EPM2A: variants seen among roughly 807,000 people sequenced by gnomAD.
EPM2A encodes EPM2A glucan phosphatase, laforin, also known as laforin.
Under a neutral mutation model 26.5 loss-of-function variants are expected in EPM2A, and 21 were observed. The ratio of observed to expected loss-of-function variants is 0.79; its 90% CI spans 0.56 to 1.14. EPM2A has a LOEUF of 1.14. EPM2A is among the 50% of genes most tolerant of loss of function. The pLI, the probability that EPM2A is intolerant of heterozygous loss-of-function variation, is 0.00. For missense variants in EPM2A, 458 were observed against 440.8 expected (o/e 1.04, Z -0.35); for synonymous variants, 217 against 177.6 (o/e 1.22, Z -1.76).
At chr6:145,576,438 G>GC (rs1781032649) in intron 2 of EPM2A, among the ~76,000 whole-genome samples, 1 of 113,294 alleles carries the variant, frequency 8.8e-6, no homozygotes, top group Non-Finnish European at 1.8e-5. Flanking sequence ...AGTAATTTAT[G>GC]CATATCACAA....
At chr6:145,662,903 G>A (rs1562458009) in intron 2 of EPM2A, among the ~76,000 whole-genome samples, 1 of 152,056 alleles carries the variant, frequency 6.6e-6, no homozygotes, top group Non-Finnish European at 1.5e-5. Flanking sequence ...CTAAAGTTTG[G>A]CCAAGCAAAA....
At chr6:145,451,307 C>T (rs1779192721) in intron 4 of EPM2A, among the ~76,000 whole-genome samples, 1 of 151,552 alleles carries the variant, frequency 6.6e-6, no homozygotes, top group Non-Finnish European at 1.5e-5. Context: ...ATGACCAAAG[C>T]ATGATGTTAC....
intron 2 of EPM2A, among the ~76,000 whole-genome samples, chr6:145,612,767 A>C: frequency 6.7e-6 from 1 of 148,388 alleles, no homozygotes; most frequent in East Asian, 1.9e-4. Flanking sequence ...TTTTATATAT[A>C]TATATATACC....
chr6:145,689,407 T>C (rs1781133495), intron 1 of EPM2A, among the ~76,000 whole-genome samples: 2 of 152,136 alleles, frequency 1.3e-5, no homozygotes, highest in Non-Finnish European at 2.9e-5. Flanking sequence ...CTGAAAATTA[T>C]AAATAAACAA....
chr6:145,564,884 T>G (rs1780862063), intron 2 of EPM2A, among the ~76,000 whole-genome samples: 1 of 152,132 alleles, frequency 6.6e-6, no homozygotes, highest in Non-Finnish European at 1.5e-5. Flanking sequence ...CTAGCTACCC[T>G]GCAGCAACTT....
intron 4 of EPM2A, among the ~76,000 whole-genome samples, chr6:145,391,629 G>A (rs1335092845): frequency 6.6e-6 from 1 of 152,086 alleles, no homozygotes; most frequent in Non-Finnish European, 1.5e-5. Context: ...CCCTCGAAGT[G>A]CCTGCTTTTC....
At chr6:145,717,161 C>T (rs1202860139) in intron 1 of EPM2A, among the ~76,000 whole-genome samples, 2 of 151,946 alleles carry the variant, frequency 1.3e-5, no homozygotes, top group Non-Finnish European at 2.9e-5. Context: ...AGAGACACAA[C>T]CAAAAAAGAG....
rs535297505 is a variant in EPM2A at position 145,466,854 on chromosome 6, G to T, written c.555+35668C>A. Among the ~76,000 whole-genome samples the T allele has an allele frequency of 1.5e-3, 225 of 152,280 alleles. 2 individuals are homozygous for T. Among genetic ancestry groups the T allele is most frequent in the African/African-American group, 5.2e-3 (216 of 41,560 alleles). Reference sequence around the variant, plus strand: ...TCATGTCCTTTGTAGGGACATGGATGAAATTGGAAATCATCATTCTCAGTA... The same window carrying T: ...TCATGTCCTTTGTAGGGACATGGATTAAATTGGAAATCATCATTCTCAGTA... On this transcript the variant is annotated intron_variant, in intron 4 of 4. Coordinates refer to the EPM2A transcript ENST00000638717.
intron 2 of EPM2A, among the ~76,000 whole-genome samples, chr6:145,667,318 GA>G (rs1779279075): frequency 2.1e-5 from 3 of 142,386 alleles, no homozygotes; most frequent in African/African-American, 8.6e-5. Flanking sequence ...AAATTTACAA[GA>G]AAAAAACAAA....
intron 1 of EPM2A, among the ~76,000 whole-genome samples, chr6:145,715,102 T>C (rs1775542345): frequency 6.6e-6 from 1 of 151,286 alleles, no homozygotes; most frequent in African/African-American, 2.5e-5. Flanking sequence ...TATTATTTGT[T>C]GTCAAGCATT....
chr6:145,400,053 C>T (rs564388435), intron 4 of EPM2A, among the ~76,000 whole-genome samples: 1 of 152,120 alleles, frequency 6.6e-6, no homozygotes, highest in East Asian at 1.9e-4. Context: ...GAGTGCCTGC[C>T]CACTCCCATT....
At chr6:145,598,392 A>G (rs1781376469) in intron 2 of EPM2A, among the ~76,000 whole-genome samples, 1 of 151,956 alleles carries the variant, frequency 6.6e-6, no homozygotes, top group South Asian at 2.1e-4. Flanking sequence ...GTGTCTGTTC[A>G]TGTCATTTGC....
intron 2 of EPM2A, among the ~76,000 whole-genome samples, chr6:145,656,375 C>T (rs74981502): frequency 4.6e-5 from 7 of 152,180 alleles, no homozygotes; most frequent in African/African-American, 1.4e-4. Flanking sequence ...TGAGAGACCT[C>T]CAGCAGTCCA....
intron 4 of EPM2A, among the ~76,000 whole-genome samples, chr6:145,468,054 CT>C (rs760461212): frequency 2.0e-4 from 31 of 151,716 alleles, no homozygotes; most frequent in Non-Finnish European, 4.3e-4. Context: ...TAGTTTAATC[CT>C]TGCGTAACCA....
At chr6:145,457,263 G>A (rs959006110) in intron 4 of EPM2A, among the ~76,000 whole-genome samples, 10 of 152,154 alleles carry the variant, frequency 6.6e-5, no homozygotes, top group Admixed American at 2.6e-4. Flanking sequence ...GGGAGGCTGA[G>A]GTGGATGGAT....
chr6:145,715,785 A>C (rs906928175), intron 1 of EPM2A, among the ~76,000 whole-genome samples: 9 of 152,066 alleles, frequency 5.9e-5, no homozygotes, highest in African/African-American at 2.2e-4. Flanking sequence ...ATGCCTGATG[A>C]TCTGTCACTG....
chr6:145,717,428 TAA>T (rs1188565939), intron 1 of EPM2A, among the ~76,000 whole-genome samples: 1 of 152,090 alleles, frequency 6.6e-6, no homozygotes, highest in Non-Finnish European at 1.5e-5. Flanking sequence ...CCCTTCATGC[TAA>T]AAACTCTCAA....
intron 2 of EPM2A, among the ~76,000 whole-genome samples, chr6:145,546,798 T>A (rs1218941947): frequency 7.2e-5 from 11 of 152,114 alleles, no homozygotes; most frequent in Non-Finnish European, 1.5e-5. Context: ...TATATAAGAT[T>A]GTATACATTT....
intron 2 of EPM2A, among the ~76,000 whole-genome samples, chr6:145,615,743 G>A (rs1201581818): frequency 6.6e-6 from 1 of 152,068 alleles, no homozygotes; most frequent in Non-Finnish European, 1.5e-5. Flanking sequence ...GGGATCTGGA[G>A]TAAAGGTGAC....
Sources: allele counts gnomAD v4.1 joint callset (sites outside exome capture counted in the v4.1 genomes callset), GRCh38; gene constraint gnomAD v4.1.1; transcripts MANE v1.5; gene names NCBI Gene and HGNC (gene_info 2026-07-23, HGNC 2026-07-21).